Variants in CLDN16 observed in about 807,000 individuals in gnomAD.
CLDN16 encodes claudin-16.
CLDN16 carries 13 observed loss-of-function variants against 24.6 expected under a neutral mutation model. The ratio of observed to expected loss-of-function variants is 0.53; its 90% CI spans 0.34 to 0.84. The LOEUF (loss-of-function observed/expected upper bound fraction) is 0.84, where lower values mean the gene tolerates loss of function less well. Among genes scored for constraint, CLDN16 ranks in the 40% least tolerant of loss-of-function variants. CLDN16 has a pLI of 0.01. For synonymous variants in CLDN16, 116 were observed against 106.7 expected, an observed-to-expected ratio of 1.09 and a Z score of -0.54; for missense variants, 298 against 292.7, an observed-to-expected ratio of 1.02 and a Z score of -0.13.
the CLDN16 span, among the ~76,000 whole-genome samples, chr3:190,296,716 AT>A: frequency 6.6e-6 from 1 of 151,720 alleles, no homozygotes; most frequent in Admixed American, 6.6e-5. Context: ...CGCCCGGCTA[AT>A]TTTTTGTATT....
chr3:190,333,269 A>T (rs998495842), intron 1 of CLDN16, among the ~76,000 whole-genome samples: 1 of 152,186 alleles, frequency 6.6e-6, no homozygotes, highest in African/African-American at 2.4e-5. Flanking sequence ...CTAAGGATCC[A>T]CAACTTTCAG....
At chr3:190,379,218 C>G (rs1718307543) in intron 3 of CLDN16, among the ~76,000 whole-genome samples, 1 of 152,024 alleles carries the variant, frequency 6.6e-6, no homozygotes, top group Non-Finnish European at 1.5e-5. Context: ...TGGACTGAAA[C>G]CAAGTTTCTA....
At chr3:190,364,989 G>C (rs1185326344) in intron 1 of CLDN16, among the ~76,000 whole-genome samples, 1 of 151,658 alleles carries the variant, frequency 6.6e-6, no homozygotes, top group African/African-American at 2.4e-5. Flanking sequence ...TTGAGAACTG[G>C]CTCAGATATG....
intron 1 of CLDN16, among the ~76,000 whole-genome samples, chr3:190,329,119 A>AT (rs1717129944): frequency 6.6e-6 from 1 of 152,122 alleles, no homozygotes; most frequent in South Asian, 2.1e-4. Flanking sequence ...CAAATTTGTT[A>AT]TTTTTTGGGG....
At chr3:190,374,562 C>T (rs952314797) in exon 3 of CLDN16, 1 of 151,870 alleles carries the variant, frequency 6.6e-6, no homozygotes, top group Middle Eastern at 3.2e-3. Context: ...GTTTGGAAAA[C>T]CATTCTCTTG....
At chr3:190,407,143 A>C (rs1367945579) in intron 3 of CLDN16, among the ~76,000 whole-genome samples, 1 of 152,152 alleles carries the variant, frequency 6.6e-6, no homozygotes, top group Non-Finnish European at 1.5e-5. Context: ...AAAAAATGTA[A>C]AATTTTTTGG....
At chr3:190,299,152 T>A in the CLDN16 span, among the ~76,000 whole-genome samples, 2 of 152,158 alleles carry the variant, frequency 1.3e-5, no homozygotes, top group Admixed American at 1.3e-4. Context: ...TAAAATTACA[T>A]TTTTCATTAA....
intron 4 of CLDN16, among the ~76,000 whole-genome samples, 185 bp from the exon 5 acceptor site, chr3:190,409,718 C>T (rs180991771): frequency 6.6e-6 from 1 of 152,010 alleles, no homozygotes; most frequent in African/African-American, 2.4e-5. Context: ...GAATTTTAAA[C>T]CTAAAAGAAA....
the CLDN16 span, among the ~76,000 whole-genome samples, chr3:190,300,608 T>G: frequency 6.6e-6 from 1 of 152,234 alleles, no homozygotes; most frequent in African/African-American, 2.4e-5. Context: ...CCACAAAGTC[T>G]GAAATATTTG....
At chr3:190,316,996 T>G in the CLDN16 span, among the ~76,000 whole-genome samples, 1 of 152,204 alleles carries the variant, frequency 6.6e-6, no homozygotes, top group Admixed American at 6.5e-5. Flanking sequence ...ATGTATCTAA[T>G]GAGCTTCAAA....
At chr3:190,321,210 C>CT (rs1182031389), upstream of CLDN16, among the ~76,000 whole-genome samples, 5 of 152,154 alleles carry the variant, frequency 3.3e-5, no homozygotes, top group Admixed American at 6.5e-5. Context: ...AGTGCCTTTA[C>CT]TTTTTTCTTT....
chr3:190,298,583 G>C, the CLDN16 span, among the ~76,000 whole-genome samples: 28 of 152,038 alleles, frequency 1.8e-4, no homozygotes, highest in African/African-American at 5.8e-4. Flanking sequence ...AGCCTCCCAA[G>C]TAGCTGGAAT....
chr3:190,403,085 T>C (rs1350164438), intron 2 of CLDN16, among the ~76,000 whole-genome samples: 2 of 152,158 alleles, frequency 1.3e-5, no homozygotes, highest in African/African-American at 4.8e-5. Flanking sequence ...CCTAGCACTT[T>C]GGGAGGCCAA....
chr3:190,360,268 C>T lies in CLDN16; in HGVS notation n.122-10625C>T, dbSNP rs138739601. ...AAAATAGGAACATTTTCTAAGCTTC[C>T]GATATTCAGCCCCAGTCCTTCTTTT... On this transcript the variant is annotated intron_variant and non_coding_transcript_variant, in intron 1 of 4. Coordinates refer to the CLDN16 transcript ENST00000468220. 8.6e-4 allele frequency among the ~76,000 whole-genome samples: 131 copies of T among 151,934 alleles called. 1 individual carries two copies. Among genetic ancestry groups the T allele is most frequent in the African/African-American group, 2.9e-3 (120 of 41,514 alleles).
intron 1 of CLDN16, among the ~76,000 whole-genome samples, chr3:190,361,400 C>T (rs915115448): frequency 3.9e-5 from 6 of 151,944 alleles, no homozygotes; most frequent in Admixed American, 6.6e-5. Context: ...CATTCCTGAG[C>T]GTAGGCTGAA....
chr3:190,313,004 C>T, the CLDN16 span: 1 of 1,614,118 alleles, frequency 6.2e-7, no homozygotes, highest in Non-Finnish European at 8.5e-7. Flanking sequence ...AGGATGCCAA[C>T]CACCATCAAG....
At chr3:190,383,877 C>A (rs1718425993), upstream of CLDN16, among the ~76,000 whole-genome samples, 1 of 152,118 alleles carries the variant, frequency 6.6e-6, no homozygotes, top group African/African-American at 2.4e-5. Context: ...TTATAAAAAT[C>A]ATACTAACTA....
upstream of CLDN16, among the ~76,000 whole-genome samples, chr3:190,385,836 C>A (rs1409052613): frequency 6.6e-6 from 1 of 152,100 alleles, no homozygotes; most frequent in Non-Finnish European, 1.5e-5. Flanking sequence ...GTTCTAAACT[C>A]ATCTCTCAAA....
At chr3:190,392,686 G>A (rs1482396827) in intron 1 of CLDN16, among the ~76,000 whole-genome samples, 1 of 152,200 alleles carries the variant, frequency 6.6e-6, no homozygotes, top group African/African-American at 2.4e-5. Flanking sequence ...AGTGAAGCAG[G>A]AGAAGTAGAG....
Sources: gnomAD v4.1 joint callset for allele counts (sites outside exome capture counted in the v4.1 genomes callset) on GRCh38, gnomAD v4.1.1 for gene constraint, MANE v1.5 for transcripts, NCBI Gene and HGNC (gene_info 2026-07-23, HGNC 2026-07-21) for gene names.